Variants in COLGALT1 observed in about 807,000 individuals in gnomAD.
COLGALT1 encodes procollagen galactosyltransferase 1.
Under a neutral mutation model 60.8 loss-of-function variants are expected in COLGALT1, and 43 were observed. That is an observed-to-expected ratio of 0.71 (90% confidence interval 0.55 to 0.91). COLGALT1 has a LOEUF of 0.91. Among genes scored for constraint, COLGALT1 ranks in the 40% least tolerant of loss-of-function variants. The pLI is 0.00. For missense variants in COLGALT1, 845 were observed against 880.0 expected, an observed-to-expected ratio of 0.96 and a Z score of 0.50; for synonymous variants, 369 against 374.2, an observed-to-expected ratio of 0.99 and a Z score of 0.16.
At position 17,579,619 on chromosome 19, in the gene COLGALT1, G is replaced by C. The variant is rs1259629785; in HGVS notation, c.1394+10G>C. On this transcript the variant is annotated intron_variant, in intron 10 of 11. Transcript: ENST00000252599. ...TGGACTGGGACCTCATGTGAGTGGG[G>C]GTCTGAGGATGGGGTGAAGCTGGGG... The C allele has an allele frequency of 6.2e-7, 1 of 1,611,590 alleles. No homozygotes were observed. Among genetic ancestry groups the C allele is most frequent in the East Asian group, 2.2e-5 (1 of 44,836 alleles).
At chr19:17,564,682 G>A (rs571533948) in intron 3 of COLGALT1, among the ~76,000 whole-genome samples, 3 of 152,174 alleles carry the variant, frequency 2.0e-5, no homozygotes, top group African/African-American at 7.2e-5. Context: ...CTCCCAAAGT[G>A]CTAGGATTGC....
chr19:17,571,551 T>TA (rs1291137211), intron 5 of COLGALT1, among the ~76,000 whole-genome samples: 3 of 146,836 alleles, frequency 2.0e-5, no homozygotes, highest in African/African-American at 7.5e-5. Context: ...CCACCTCTAC[T>TA]AAAAAAAAAT....
chr19:17,562,398 C>T (rs1023846957), intron 3 of COLGALT1, among the ~76,000 whole-genome samples: 3 of 152,102 alleles, frequency 2.0e-5, no homozygotes, highest in Non-Finnish European at 2.9e-5. Flanking sequence ...CGCGGTGGCT[C>T]ATGCCTCTAA....
Position 17,568,728 on chromosome 19 carries a change from G to T in COLGALT1, c.829+15G>T, listed in dbSNP as rs528808466. 1.9e-6 allele frequency: 3 copies of T among 1,613,284 alleles called. No individual in the cohort carries two copies. Among genetic ancestry groups the T allele is most frequent in the Non-Finnish European group, 2.5e-6 (3 of 1,179,292 alleles). On this transcript the variant is annotated intron_variant, in intron 5 of 11. Transcript: ENST00000252599. ...CAAGCAGGCAGGTACGTACATGAGGGGTCTGCCATCGCAGGGGCATCTGCC... is the reference window on the plus strand; with the variant it reads ...CAAGCAGGCAGGTACGTACATGAGGTGTCTGCCATCGCAGGGGCATCTGCC...
intron 5 of COLGALT1, among the ~76,000 whole-genome samples, chr19:17,569,164 A>G (rs1466041961): frequency 6.6e-6 from 1 of 152,082 alleles, no homozygotes; most frequent in African/African-American, 2.4e-5. Flanking sequence ...GTGAGCCGAG[A>G]TCATGCCACT....
intron 1 of COLGALT1, 58 bp downstream of exon 1, chr19:17,556,031 C>G (rs1168393590): frequency 1.6e-6 from 2 of 1,275,926 alleles, no homozygotes; most frequent in African/African-American, 1.6e-5. Flanking sequence ...CTTGCTGTCC[C>G]CATAGGGGTG....
intron 5 of COLGALT1, 23 bp downstream of exon 5, chr19:17,568,736 A>G: frequency 6.2e-6 from 10 of 1,611,800 alleles, no homozygotes; most frequent in Non-Finnish European, 8.5e-6. Context: ...GGGGTCTGCC[A>G]TCGCAGGGGC....
chr19:17,560,593 G>C, intron 3 of COLGALT1, 128 bp downstream of exon 3: 1 of 734,540 alleles, frequency 1.4e-6, no homozygotes, highest in Middle Eastern at 2.4e-4. Flanking sequence ...GGCTTAGAGA[G>C]GGGAGATGAG....
At chr19:17,577,092 C>T (rs1000719213) in intron 6 of COLGALT1, 103 bp from the exon 7 acceptor site, 3 of 1,177,478 alleles carry the variant, frequency 2.5e-6, no homozygotes, top group East Asian at 4.8e-5. Flanking sequence ...CTTTGTGGGC[C>T]GAGCCAGTCT....
chr19:17,563,024 C>T (rs906524195), intron 3 of COLGALT1, among the ~76,000 whole-genome samples: 1 of 151,988 alleles, frequency 6.6e-6, no homozygotes, highest in South Asian at 2.1e-4. Context: ...CCTTCCAGAG[C>T]CTTCTGACAC....
At chr19:17,559,165 AAAAC>A (rs2076233312) in intron 1 of COLGALT1, 142 bp from the exon 2 acceptor site, 4 of 669,716 alleles carry the variant, frequency 6.0e-6, no homozygotes, top group Non-Finnish European at 1.1e-5. Context: ...GTCTCAAAAA[AAAAC>A]AAAGGAAAGG....
intron 2 of COLGALT1, 101 bp from the exon 3 acceptor site, chr19:17,560,247 T>A: frequency 3.2e-5 from 24 of 744,448 alleles, no homozygotes; most frequent in Middle Eastern, 4.2e-4. Flanking sequence ...ACACGTCCCC[T>A]CCTCCAGGAA....
chr19:17,559,323 C>T lies in COLGALT1; in HGVS notation c.273C>T (p.Asp91=), dbSNP rs118174667. 0.01 allele frequency: 15,799 copies of T among 1,551,928 alleles called. 101 individuals carry two copies. Among genetic ancestry groups the T allele is most frequent in the South Asian group, 0.018 (1,474 of 84,054 alleles). The stretch of plus-strand genomic sequence containing the variant: ...CCTCTCCCTGCAGGGTGGCTACGGA[C>T]CACAACATGGATAACACGTCAACTG... ...RERTALWVAT[D]HNMDNTSTVL... Residue 91 remains aspartate (D), a synonymous_variant, in exon 2 of 12, where the codon GAC becomes GAT. Coordinates refer to ENST00000252599, the MANE Select transcript of COLGALT1 (RefSeq NM_024656.4).
chr19:17,582,708 G>C lies in COLGALT1; in HGVS notation c.*1264G>C, dbSNP rs893841182. The C allele has an allele frequency of 6.6e-6, 1 of 152,256 alleles. No homozygotes were observed. The highest frequency in any genetic ancestry group is 6.5e-5 in the Admixed American group (1 of 15,284). The allele number at this position is 152,256 out of a possible 1,614,324, so 9.4% of individuals were successfully genotyped here. A position where few individuals can be genotyped will look rare whatever the true frequency, so the allele number is the denominator to read the frequency against. ...TTTGATTCTTCCTGTACCCTCGGTCGTCTGAGCTGTGTGCAGACAACATCC... is the reference window on the plus strand; with the variant it reads ...TTTGATTCTTCCTGTACCCTCGGTCCTCTGAGCTGTGTGCAGACAACATCC... On this transcript the variant is annotated 3_prime_UTR_variant, in exon 12 of 12. Transcript: ENST00000252599.
At chr19:17,557,324 C>T (rs4808666) in intron 1 of COLGALT1, among the ~76,000 whole-genome samples, 50,092 of 151,920 alleles carry the variant, frequency 0.33, 10,148 homozygotes, top group Middle Eastern at 0.48. Context: ...TTCTCTCAGA[C>T]GGAATCTTGC....
At position 17,577,461 on chromosome 19, in the gene COLGALT1, A is replaced by G; in HGVS notation, c.1127A>G (p.Asp376Gly). The G allele has an allele frequency of 1.5e-6, 1 of 665,236 alleles. No individual in the cohort carries two copies. Among genetic ancestry groups the G allele is most frequent in the Non-Finnish European group, 1.8e-6 (1 of 554,576 alleles). The allele number at this position is 665,236 out of a possible 1,614,324, so 41.2% of individuals were successfully genotyped here. A position where few individuals can be genotyped will look rare whatever the true frequency, so the allele number is the denominator to read the frequency against. The change falls in exon 8 of 12, where the codon GAC (aspartate) becomes GGC (glycine). Residue 376 changes from aspartate (D) to glycine (G), a missense_variant. Coordinates refer to ENST00000252599, the MANE Select transcript of COLGALT1 (RefSeq NM_024656.4). ...GAGTGCCGGCTGGTGGAGGCCGTGG[A>G]CGGCAAGTGAGTCCGAGGCCTGGGG... ...EIECRLVEAV[D>G]GKAMNTSQVE...
intron 1 of COLGALT1, 130 bp downstream of exon 1, chr19:17,556,103 G>C: frequency 2.8e-6 from 3 of 1,073,346 alleles, no homozygotes; most frequent in Non-Finnish European, 3.6e-6. Context: ...CTTCCTGCTC[G>C]CTACCCCCAT....
At chr19:17,562,863 A>G (rs1264884870) in intron 3 of COLGALT1, among the ~76,000 whole-genome samples, 1 of 152,142 alleles carries the variant, frequency 6.6e-6, no homozygotes, top group Non-Finnish European at 1.5e-5. Flanking sequence ...ACAGTGCCAC[A>G]TCTAGGGAGG....
rs758509722 is a variant in COLGALT1 at position 17,581,433 on chromosome 19, G to A, written c.1858G>A (p.Asp620Asn). Residue 620 changes from aspartate (D) to asparagine (N), a missense_variant, in exon 12 of 12, where the codon GAT becomes AAT. Asp to Asn is a conservative substitution (Grantham distance 23). Coordinates refer to ENST00000252599, the MANE Select transcript of COLGALT1 (RefSeq NM_024656.4). The stretch of plus-strand genomic sequence containing the variant: ...GTCCCCACTGGACAGTGCTGCCCGG[G>A]ATGAACTCTGAGGGGTAGCAGCCAG... Reference protein sequence around the residue: ...LQSPLDSAARDEL With the variant: ...LQSPLDSAARNEL 1 of 1,607,656 alleles carries A rather than the reference G, an allele frequency of 6.2e-7. No homozygotes were observed. Among genetic ancestry groups the A allele is most frequent in the African/African-American group, 1.3e-5 (1 of 74,908 alleles).
Sources: allele counts gnomAD v4.1 joint callset (sites outside exome capture counted in the v4.1 genomes callset), GRCh38; gene constraint gnomAD v4.1.1; transcripts MANE v1.5; gene names NCBI Gene and HGNC (gene_info 2026-07-23, HGNC 2026-07-21).